IP6K3: variants seen among roughly 807,000 people sequenced by gnomAD.
The protein encoded by IP6K3 is inositol hexakisphosphate kinase 3.
A neutral mutation model predicts 28.8 loss-of-function variants in IP6K3; 20 were observed. That is an observed-to-expected ratio of 0.70 (90% CI 0.49 to 1.01). The LOEUF is 1.01. Among genes scored for constraint, IP6K3 ranks in the 50% least tolerant of loss-of-function variants. IP6K3 has a pLI of 0.00. For missense variants in IP6K3, 480 were observed against 537.1 expected (o/e 0.89, Z 1.05); for synonymous variants, 213 against 221.3 (o/e 0.96, Z 0.33).
At chr6:33,749,101 C>A (rs1766986688), upstream of IP6K3, among the ~76,000 whole-genome samples, 1 of 152,098 alleles carries the variant, frequency 6.6e-6, no homozygotes, top group Non-Finnish European at 1.5e-5. Flanking sequence ...ATCCCAGAAC[C>A]ACCACAGGGA....
In IP6K3 at chr6:33,746,070, G is replaced by A. The variant is rs57907629; in HGVS notation, c.-180+688C>T. On this transcript the variant is annotated intron_variant, in intron 1 of 5. Coordinates refer to ENST00000293756, the MANE Select transcript of IP6K3 (RefSeq NM_054111.5). This position sits in a 1 kb window ranked among gnomAD's most constrained non-coding sequence, Gnocchi z 6.5. The stretch of plus-strand genomic sequence containing the variant: ...GTTTAAGGCCCCCAAGGCAAGCTCA[G>A]TTCTCAGGTTCACTAGGGTACCTAG... Among the ~76,000 whole-genome samples, 2 of 152,176 alleles carry A rather than the reference G, an allele frequency of 1.3e-5. No homozygotes were observed. Among genetic ancestry groups the A allele is most frequent in the African/African-American group, 4.8e-5 (2 of 41,420 alleles).
chr6:33,740,369 C>G (rs1315057286), intron 1 of IP6K3, among the ~76,000 whole-genome samples: 1 of 152,240 alleles, frequency 6.6e-6, no homozygotes, highest in Admixed American at 6.5e-5. Flanking sequence ...CGCTGGGCCT[C>G]ACTCCAGGAG....
rs772642396 is a variant in IP6K3, at chr6:33,742,270, G to C, written c.-180+4488C>G. ...CTGACCACGTGCAGTCTGCTTGGAC[G>C]GGGAGTGGCTGCTGAGTTGCTCTGG... On this transcript the variant is annotated intron_variant, in intron 1 of 5. Transcript: ENST00000293756. The surrounding 1 kb of genome is among the most constrained non-coding windows in gnomAD (Gnocchi z 4.5). Among the ~76,000 whole-genome samples the C allele has an allele frequency of 4.6e-5, 7 of 152,132 alleles. No individual in the cohort carries two copies. Among genetic ancestry groups the C allele is most frequent in the African/African-American group, 1.7e-4 (7 of 41,448 alleles).
intron 1 of IP6K3, among the ~76,000 whole-genome samples, chr6:33,738,564 A>G (rs1766609828): frequency 6.6e-6 from 1 of 152,182 alleles, no homozygotes; most frequent in Admixed American, 6.5e-5. Flanking sequence ...CCTATGAGGC[A>G]ATTCGTGTTA....
upstream of IP6K3, among the ~76,000 whole-genome samples, chr6:33,747,628 A>C (rs1766949812): frequency 6.6e-6 from 1 of 152,116 alleles, no homozygotes; most frequent in South Asian, 2.1e-4. This position sits in a 1 kb window ranked among gnomAD's most constrained non-coding sequence, Gnocchi z 5.2. Flanking sequence ...CTCTAGCTAC[A>C]GGAGAGGCTG....
At chr6:33,760,384 T>A in the IP6K3 span, among the ~76,000 whole-genome samples, 1 of 152,236 alleles carries the variant, frequency 6.6e-6, no homozygotes, top group Non-Finnish European at 1.5e-5. Context: ...GTTTCTCATA[T>A]GCACGTGTGT....
chr6:33,722,741 C>T lies in IP6K3; in HGVS notation c.1212G>A (p.Gln404=). 2 of 1,610,236 alleles carry T rather than the reference C, an allele frequency of 1.2e-6. No individual in the cohort carries two copies. Among genetic ancestry groups the T allele is most frequent in the South Asian group, 2.2e-5 (2 of 90,666 alleles). The change falls in exon 6 of 6, where the codon CAG becomes CAA. Residue 404 remains glutamine, a synonymous_variant. Coordinates refer to ENST00000293756, the MANE Select transcript of IP6K3 (RefSeq NM_054111.5). ...AGTTTCATTCTCCCTCTTGGATATC[C>T]TGCAGGATCCTGATGAGGTTTTCCA... ...FGLENLIRIL[Q]DIQEGE is the part of the protein sequence containing the mutation.
At chr6:33,730,697 T>G (rs113761280) in intron 2 of IP6K3, among the ~76,000 whole-genome samples, 1,583 of 152,198 alleles carry the variant, frequency 0.01, 22 homozygotes, top group African/African-American at 0.026. Flanking sequence ...CTGTAAGGGT[T>G]TTGACGGTGG....
At chr6:33,750,855 C>T (rs1368543799), upstream of IP6K3, among the ~76,000 whole-genome samples, 1 of 152,172 alleles carries the variant, frequency 6.6e-6, no homozygotes, top group Non-Finnish European at 1.5e-5. The surrounding 1 kb of genome is among the most constrained non-coding windows in gnomAD (Gnocchi z 4.3). Context: ...GCCCCTGTCC[C>T]TGCTCCCATG....
chr6:33,739,812 C>T (rs929528665), intron 1 of IP6K3, among the ~76,000 whole-genome samples: 1 of 152,220 alleles, frequency 6.6e-6, no homozygotes, highest in Non-Finnish European at 1.5e-5. Flanking sequence ...GTCAGAAGTC[C>T]AGGGTCTACT....
intron 4 of IP6K3, 90 bp from the exon 5 acceptor site, chr6:33,725,706 A>T: frequency 8.4e-7 from 1 of 1,194,470 alleles, no homozygotes; most frequent in Non-Finnish European, 1.2e-6. Flanking sequence ...CTGCCTGGAA[A>T]TTCCCTATTC....
chr6:33,725,024 G>A (rs1177306830), intron 5 of IP6K3, among the ~76,000 whole-genome samples: 2 of 152,056 alleles, frequency 1.3e-5, no homozygotes, highest in Admixed American at 6.6e-5. Context: ...GGCAGATCAC[G>A]AGGTCAGGAG....
chr6:33,736,738 G>A (rs1043375263), intron 1 of IP6K3, among the ~76,000 whole-genome samples: 1 of 152,126 alleles, frequency 6.6e-6, no homozygotes, highest in African/African-American at 2.4e-5. Context: ...GCATGGGTGT[G>A]CATCATTGAT....
At position 33,728,232 on chromosome 6, in the gene IP6K3, C is replaced by G; in HGVS notation, c.268G>C (p.Glu90Gln). 6.2e-7 allele frequency: 1 copy of G among 1,614,202 alleles called. No homozygotes were observed. Among genetic ancestry groups the G allele is most frequent in the Non-Finnish European group, 8.5e-7 (1 of 1,180,054 alleles). Reference protein sequence around the residue: ...HLSLVANPVKESQEPFKVSTE... With the variant: ...HLSLVANPVKQSQEPFKVSTE... Reference sequence around the variant, plus strand: ...GAGACCTTGAAGGGCTCCTGGCTCTCCTTCACTGGGTTGGCAACCAAGCTG... The same window carrying G: ...GAGACCTTGAAGGGCTCCTGGCTCTGCTTCACTGGGTTGGCAACCAAGCTG... The change falls in exon 3 of 6, where the codon GAG becomes CAG. Residue 90 changes from glutamate to glutamine, a missense_variant. Transcript: ENST00000293756.
chr6:33,732,910 C>T (rs1766368947), intron 2 of IP6K3, among the ~76,000 whole-genome samples: 1 of 152,248 alleles, frequency 6.6e-6, no homozygotes, highest in African/African-American at 2.4e-5. Flanking sequence ...CCCCAGGCAT[C>T]TGAGCACCTG....
At chr6:33,761,608 C>T in the IP6K3 span, among the ~76,000 whole-genome samples, 1 of 152,046 alleles carries the variant, frequency 6.6e-6, no homozygotes, top group Non-Finnish European at 1.5e-5. Flanking sequence ...GCTCTGGGGG[C>T]TTTGTGCACC....
chr6:33,751,559 C>G (rs1235966515), upstream of IP6K3, among the ~76,000 whole-genome samples: 4 of 150,112 alleles, frequency 2.7e-5, no homozygotes, highest in African/African-American at 1.0e-4. The surrounding 1 kb of genome is among the most constrained non-coding windows in gnomAD (Gnocchi z 4.3). Flanking sequence ...AGCCACCATG[C>G]CCACCCTATG....
chr6:33,737,466 C>T (rs543181451), intron 1 of IP6K3, among the ~76,000 whole-genome samples: 4 of 152,202 alleles, frequency 2.6e-5, no homozygotes, highest in African/African-American at 4.8e-5. Context: ...GCATGATTAA[C>T]GCTCTAATTG....
At chr6:33,757,191 C>T in the IP6K3 span, among the ~76,000 whole-genome samples, 2 of 152,206 alleles carry the variant, frequency 1.3e-5, no homozygotes, top group African/African-American at 4.8e-5. Flanking sequence ...GAGAGCCCCT[C>T]CTCCCTCACC....
Sources: allele counts gnomAD v4.1 joint callset (sites outside exome capture counted in the v4.1 genomes callset), GRCh38; gene constraint gnomAD v4.1.1; non-coding constraint Gnocchi (gnomAD v3.1); transcripts MANE v1.5; gene names NCBI Gene and HGNC (gene_info 2026-07-23, HGNC 2026-07-21).